DNAJC6: variants seen among roughly 807,000 people sequenced by gnomAD.
The protein encoded by DNAJC6 is DnaJ heat shock protein family (Hsp40) member C6, also known as auxilin.
Under a neutral mutation model 110.0 loss-of-function variants are expected in DNAJC6, and 34 were observed. That is an observed-to-expected ratio of 0.31 (90% CI 0.24 to 0.41). The LOEUF (loss-of-function observed/expected upper bound fraction) is 0.41, where lower values mean the gene tolerates loss of function less well. Ranked by LOEUF, DNAJC6 falls within the 10% of genes least tolerant of loss-of-function variation. DNAJC6 has a pLI of 1.00. For synonymous variants in DNAJC6, 406 were observed against 437.2 expected (o/e 0.93, Z 0.89); for missense variants, 1,031 against 1,207.8 (o/e 0.85, Z 2.17).
intron 8 of DNAJC6, among the ~76,000 whole-genome samples, chr1:65,387,819 A>G (rs1045508616): frequency 1.3e-5 from 2 of 152,214 alleles, no homozygotes; most frequent in African/African-American, 4.8e-5. Context: ...TGTGCCAGCC[A>G]TTGCTGAGGT....
intron 18 of DNAJC6, 109 bp downstream of exon 18, chr1:65,411,535 A>C (rs1646128708): frequency 2.9e-6 from 3 of 1,029,848 alleles, no homozygotes; most frequent in Non-Finnish European, 4.2e-6. Flanking sequence ...TTTTTAATAA[A>C]ATTAAGTCAA....
chr1:65,265,977 G>C (rs574662637), intron 1 of DNAJC6, among the ~76,000 whole-genome samples: 1 of 152,342 alleles, frequency 6.6e-6, no homozygotes, highest in South Asian at 2.1e-4. Context: ...TCTGCGCTTC[G>C]AGTGCGCTGT....
At chr1:65,313,099 C>T (rs1645117012) in intron 1 of DNAJC6, among the ~76,000 whole-genome samples, 1 of 152,122 alleles carries the variant, frequency 6.6e-6, no homozygotes, top group Admixed American at 6.6e-5. Context: ...ATTGCCCAGG[C>T]TGGAGTGCAG....
chr1:65,278,987 G>A, intron 1 of DNAJC6: 2 of 985,296 alleles, frequency 2.0e-6, no homozygotes, highest in East Asian at 1.1e-4. Context: ...CCTTCCCCAT[G>A]GCAGTTTAAA....
chr1:65,395,088 G>C lies in DNAJC6; in HGVS notation c.2038+56G>C, dbSNP rs1570369124. 8 of 1,511,038 alleles carry C rather than the reference G, an allele frequency of 5.3e-6. No homozygotes were observed. The East Asian group carries it at 2.0e-4, about 37-fold the overall frequency. The allele number at this position is 1,511,038 out of a possible 1,614,324, so 93.6% of individuals were successfully genotyped here. A position where few individuals can be genotyped will look rare whatever the true frequency, so the allele number is the denominator to read the frequency against. On this transcript the variant is annotated intron_variant, in intron 13 of 18. Coordinates refer to ENST00000371069, the MANE Select transcript of DNAJC6 (RefSeq NM_001256864.2). ...GAACATAGTTTTCTGCAAGATATCA[G>C]TAAGTGCTCATATATAAAAGCACCC...
chr1:65,305,766 T>TG, upstream of DNAJC6, among the ~76,000 whole-genome samples: 1 of 87,092 alleles, frequency 1.1e-5, no homozygotes, highest in South Asian at 3.7e-4. Flanking sequence ...TATGTTATCA[T>TG]AGTCATAATG....
At chr1:65,294,704 A>G (rs1452993922) in intron 1 of DNAJC6, among the ~76,000 whole-genome samples, 1 of 87,996 alleles carries the variant, frequency 1.1e-5, no homozygotes, top group Non-Finnish European at 2.3e-5. Context: ...TGAGTTAAAT[A>G]AAGTGTTATT....
intron 1 of DNAJC6, among the ~76,000 whole-genome samples, chr1:65,275,828 C>T (rs1389772009): frequency 6.6e-6 from 1 of 150,450 alleles, no homozygotes; most frequent in African/African-American, 2.4e-5. Context: ...CTATGTTTAA[C>T]TTGTTGTTAC....
At chr1:65,334,601 G>T (rs1645318481) in intron 1 of DNAJC6, among the ~76,000 whole-genome samples, 1 of 152,198 alleles carries the variant, frequency 6.6e-6, no homozygotes, top group Non-Finnish European at 1.5e-5. Flanking sequence ...GATAAAATTT[G>T]TATTTTAACA....
At chr1:65,384,149 G>T (rs751277199) in intron 5 of DNAJC6, 44 bp from the exon 6 acceptor site, 1 of 1,381,150 alleles carries the variant, frequency 7.2e-7, no homozygotes, top group Non-Finnish European at 9.5e-7. Flanking sequence ...GAGAATGGCT[G>T]ATTTGATCAT....
In DNAJC6 at chr1:65,359,579, A is replaced by C. The variant is rs528112062; in HGVS notation, c.194-5056A>C. Among the ~76,000 whole-genome samples the C allele has an allele frequency of 5.9e-5, 9 of 152,190 alleles. No individual in the cohort carries two copies. In the East Asian group the frequency reaches 1.4e-3, roughly 23 times the overall value. Reference sequence around the variant, plus strand: ...CACCTTCACTCTCTTACACCCTCAAATCCCTGAGGACCCTTAGTAAGCAGA... The same window carrying C: ...CACCTTCACTCTCTTACACCCTCAACTCCCTGAGGACCCTTAGTAAGCAGA... On this transcript the variant is annotated intron_variant, in intron 1 of 18. Transcript: ENST00000371069.
At chr1:65,303,405 G>T (rs1202295786) in intron 1 of DNAJC6, among the ~76,000 whole-genome samples, 3 of 152,130 alleles carry the variant, frequency 2.0e-5, no homozygotes, top group Non-Finnish European at 4.4e-5. Flanking sequence ...AAGAAATCTT[G>T]GGGTATCTTA....
chr1:65,358,443 A>C (rs1337085743), intron 1 of DNAJC6, among the ~76,000 whole-genome samples: 1 of 152,170 alleles, frequency 6.6e-6, no homozygotes, highest in Non-Finnish European at 1.5e-5. Context: ...GTATAAGATG[A>C]AGATAGCAAT....
At chr1:65,314,489 TA>T (rs1195170730) in intron 1 of DNAJC6, among the ~76,000 whole-genome samples, 2 of 152,160 alleles carry the variant, frequency 1.3e-5, no homozygotes, top group African/African-American at 2.4e-5. Context: ...ACTTATTTTT[TA>T]TTTTTTTTTT....
intron 1 of DNAJC6, among the ~76,000 whole-genome samples, chr1:65,299,403 G>C (rs1342401086): frequency 6.6e-6 from 1 of 152,176 alleles, no homozygotes; most frequent in Non-Finnish European, 1.5e-5. Context: ...AGCTGTACTA[G>C]GGAGTTCACT....
At chr1:65,282,030 T>G (rs1210325086) in intron 1 of DNAJC6, among the ~76,000 whole-genome samples, 2 of 152,122 alleles carry the variant, frequency 1.3e-5, no homozygotes, top group Non-Finnish European at 2.9e-5. Context: ...GGGCTCAAGC[T>G]GTCCTTCTGC....
chr1:65,372,271 A>T (rs886358981), intron 4 of DNAJC6, among the ~76,000 whole-genome samples: 20 of 152,094 alleles, frequency 1.3e-4, no homozygotes, highest in African/African-American at 4.8e-4. Flanking sequence ...TCTAAAAAAA[A>T]CCCAATAAAA....
At chr1:65,288,330 G>A (rs1195523060) in intron 1 of DNAJC6, among the ~76,000 whole-genome samples, 1 of 152,110 alleles carries the variant, frequency 6.6e-6, no homozygotes, top group Admixed American at 6.5e-5. Context: ...TAAAAGGTTT[G>A]AAAGAAAAGC....
upstream of DNAJC6, among the ~76,000 whole-genome samples, chr1:65,308,055 G>A (rs1645061030): frequency 6.6e-6 from 1 of 152,158 alleles, no homozygotes; most frequent in South Asian, 2.1e-4. Context: ...GGTGATCCTT[G>A]TACAGGAAAA....
Sources: gnomAD v4.1 joint callset for allele counts (sites outside exome capture counted in the v4.1 genomes callset) on GRCh38, gnomAD v4.1.1 for gene constraint, MANE v1.5 for transcripts, NCBI Gene and HGNC (gene_info 2026-07-23, HGNC 2026-07-21) for gene names.